The following HAVCR1 variants were observed in gnomAD, a reference collection of about 807,000 sequenced individuals.
HAVCR1 encodes hepatitis A virus cellular receptor 1.
A neutral mutation model predicts 32.0 loss-of-function variants in HAVCR1; 34 were observed. The observed-to-expected ratio is 1.06, with a 90% CI of 0.81 to 1.42. The LOEUF (loss-of-function observed/expected upper bound fraction) is 1.42, where lower values mean the gene tolerates loss of function less well. HAVCR1 is among the 40% of genes most tolerant of loss of function. The probability of loss-of-function intolerance (pLI) is 0.00; values close to 1 mark genes in which losing one functional copy is unlikely to be tolerated. For missense variants in HAVCR1, 420 were observed against 442.3 expected (o/e 0.95, Z 0.45); for synonymous variants, 178 against 170.3 (o/e 1.05, Z -0.35).
Position 157,042,692 on chromosome 5 carries a change from A to C in HAVCR1, c.782-10T>G. 1 of 1,530,478 alleles carries C rather than the reference A, an allele frequency of 6.5e-7. No homozygotes were observed. Among genetic ancestry groups the C allele is most frequent in the South Asian group, 1.1e-5 (1 of 87,914 alleles). The allele number at this position is 1,530,478 out of a possible 1,614,324, so 94.8% of individuals were successfully genotyped here. ...ACGGTGTCATTCCCATCTACTCAAC[A>C]AGAAGGAAATTTAATTAGAATTACA... On this transcript the variant is annotated splice_polypyrimidine_tract_variant and intron_variant, in intron 5 of 8. Coordinates refer to ENST00000523175, the MANE Select transcript of HAVCR1 (RefSeq NM_001173393.3).
chr5:157,048,620 G>A (rs539783386), intron 5 of HAVCR1, among the ~76,000 whole-genome samples: 75 of 152,220 alleles, frequency 4.9e-4, no homozygotes, highest in African/African-American at 1.6e-3. Flanking sequence ...CACGAGGTCA[G>A]GAGATCGAGA....
chr5:157,054,008 A>G (rs1287126882), intron 3 of HAVCR1, among the ~76,000 whole-genome samples: 7 of 149,204 alleles, frequency 4.7e-5, no homozygotes, highest in Non-Finnish European at 8.9e-5. Context: ...TAGCGAAACC[A>G]TATCTCTACA....
At chr5:157,051,157 T>G (rs1334228085) in intron 4 of HAVCR1, among the ~76,000 whole-genome samples, 1 of 152,220 alleles carries the variant, frequency 6.6e-6, no homozygotes, top group African/African-American at 2.4e-5. Flanking sequence ...TAATGTCTTA[T>G]TTACAGGGAA....
At chr5:157,048,702 C>G (rs922774172) in intron 5 of HAVCR1, among the ~76,000 whole-genome samples, 2 of 151,934 alleles carry the variant, frequency 1.3e-5, no homozygotes, top group Non-Finnish European at 2.9e-5. Context: ...TGGTGGCGGG[C>G]GCCTGTAGTC....
chr5:157,033,950 G>T (rs553615359), intron 7 of HAVCR1, among the ~76,000 whole-genome samples: 5 of 152,296 alleles, frequency 3.3e-5, no homozygotes, highest in Admixed American at 2.6e-4. Flanking sequence ...CTACTCAGGA[G>T]GCTGAGGCAG....
At position 157,052,665 on chromosome 5, in the gene HAVCR1, A is replaced by C. The variant is rs1175719595; in HGVS notation, c.380-11T>G. The C allele has an allele frequency of 3.7e-6, 6 of 1,611,102 alleles. No homozygotes were observed. Among genetic ancestry groups the C allele is most frequent in the Admixed American group, 1.7e-5 (1 of 59,984 alleles). ...TAGTCGTGACCTTGGCTGGAGTCAG[A>C]AATCAACATGAGAGTGAGCATAAGT... On this transcript the variant is annotated splice_polypyrimidine_tract_variant and intron_variant, in intron 3 of 8. Transcript: ENST00000523175.
In HAVCR1 at chr5:157,032,728, C is replaced by T. The variant is rs577687157; in HGVS notation, c.986+126G>A. Reference sequence around the variant, plus strand: ...CTGGAAGGTGTAAATAATAGAATTGCTCATTAAAGTGGACTGTCAGGATCC... The same window carrying T: ...CTGGAAGGTGTAAATAATAGAATTGTTCATTAAAGTGGACTGTCAGGATCC... On this transcript the variant is annotated intron_variant, in intron 8 of 8. Coordinates refer to ENST00000523175, the MANE Select transcript of HAVCR1 (RefSeq NM_001173393.3). The T allele has an allele frequency of 1.1e-4, 75 of 683,006 alleles. No individual in the cohort carries two copies. The African/African-American group carries it at 1.3e-3, about 11-fold the overall frequency. 42.3% of individuals were successfully genotyped at this position (683,006 alleles called of 1,614,324 possible). A position where few individuals can be genotyped will look rare whatever the true frequency, so the allele number is the denominator to read the frequency against.
chr5:157,047,856 G>A (rs1474253939), intron 5 of HAVCR1, among the ~76,000 whole-genome samples: 1 of 152,192 alleles, frequency 6.6e-6, no homozygotes, highest in Non-Finnish European at 1.5e-5. Context: ...TGTGACTGGT[G>A]TGTGTGGTGG....
intron 1 of HAVCR1, chr5:157,058,405 T>C (rs1756357733): frequency 6.5e-6 from 1 of 153,732 alleles, no homozygotes; most frequent in Non-Finnish European, 1.4e-5. Context: ...CTACTAAAAA[T>C]ACAAAAAATT....
chr5:157,057,217 T>C (rs1417109678), intron 2 of HAVCR1, among the ~76,000 whole-genome samples: 1 of 151,362 alleles, frequency 6.6e-6, no homozygotes, highest in South Asian at 2.1e-4. Flanking sequence ...CTTGGGAGAC[T>C]GAGGCAGAGA....
chr5:157,037,895 T>C (rs1268279239), intron 6 of HAVCR1, among the ~76,000 whole-genome samples: 1 of 151,930 alleles, frequency 6.6e-6, no homozygotes, highest in Non-Finnish European at 1.5e-5. Flanking sequence ...ACGCCTGTAA[T>C]CCCAGCTACT....
intron 7 of HAVCR1, among the ~76,000 whole-genome samples, chr5:157,035,981 C>A (rs1754503664): frequency 6.6e-6 from 1 of 152,146 alleles, no homozygotes. Flanking sequence ...GGGACTTGAG[C>A]ATCTGCAGAT....
chr5:157,066,457 G>A, the HAVCR1 span, among the ~76,000 whole-genome samples: 989 of 147,466 alleles, frequency 6.7e-3, 3 homozygotes, highest in Non-Finnish European at 7.6e-3. Flanking sequence ...GTGAGATATG[G>A]TAGTACTACT....
chr5:157,030,601 C>T (rs147415663), intron 8 of HAVCR1, among the ~76,000 whole-genome samples: 46 of 151,588 alleles, frequency 3.0e-4, no homozygotes, highest in Non-Finnish European at 4.4e-4. Flanking sequence ...TGCAGTGAGC[C>T]GAGATCACAC....
At chr5:157,061,204 T>A (rs1581740348), upstream of HAVCR1, among the ~76,000 whole-genome samples, 1 of 152,158 alleles carries the variant, frequency 6.6e-6, no homozygotes, top group South Asian at 2.1e-4. Flanking sequence ...GGCCTAAAAA[T>A]TTTTATTTAA....
intron 6 of HAVCR1, among the ~76,000 whole-genome samples, chr5:157,040,300 A>C (rs1169666033): frequency 2.0e-4 from 16 of 78,962 alleles, no homozygotes; most frequent in Middle Eastern, 7.4e-3. Context: ...CTCTGTCTCA[A>C]AAAAAAAAAA....
At chr5:157,060,842 C>T (rs942919008), upstream of HAVCR1, among the ~76,000 whole-genome samples, 1 of 152,122 alleles carries the variant, frequency 6.6e-6, no homozygotes, top group Non-Finnish European at 1.5e-5. Flanking sequence ...ACAGCAGCCA[C>T]TAGCCACATA....
chr5:157,051,602 C>T (rs987709126), intron 4 of HAVCR1, among the ~76,000 whole-genome samples: 11 of 152,112 alleles, frequency 7.2e-5, no homozygotes, highest in Admixed American at 7.2e-4. Context: ...GCAATCATGG[C>T]TCACTGTAGA....
chr5:157,059,329 T>C (rs926859095), upstream of HAVCR1, among the ~76,000 whole-genome samples: 1 of 152,080 alleles, frequency 6.6e-6, no homozygotes, highest in African/African-American at 2.4e-5. Context: ...CATGACAGGG[T>C]TCATGGGGAA....
Sources: allele counts gnomAD v4.1 joint callset (sites outside exome capture counted in the v4.1 genomes callset), GRCh38; gene constraint gnomAD v4.1.1; transcripts MANE v1.5; gene names NCBI Gene and HGNC (gene_info 2026-07-23, HGNC 2026-07-21).